The following PPEF1 variants were observed in gnomAD, a reference collection of about 807,000 sequenced individuals.
PPEF1 encodes the protein protein phosphatase with EF-hand domain 1, also known as serine/threonine-protein phosphatase with EF-hands 1.
In PPEF1, 12 loss-of-function variants were observed where a neutral mutation model predicts 53.3. The ratio of observed to expected loss-of-function variants is 0.23; its 90% CI spans 0.14 to 0.36. The LOEUF is 0.36. PPEF1 is among the 10% of genes least tolerant of loss of function. PPEF1 has a pLI of 1.00. For missense variants in PPEF1, 334 were observed against 490.4 expected (o/e 0.68, Z 3.01); for synonymous variants, 165 against 176.7 (o/e 0.93, Z 0.52).
chrX:18,777,612 C>T (rs985464992), intron 6 of PPEF1, among the ~76,000 whole-genome samples: 6 of 110,668 alleles, frequency 5.4e-5, no homozygotes, highest in African/African-American at 9.9e-5. Flanking sequence ...CTCCGGCTCC[C>T]GGACTCACTC....
chrX:18,816,057 C>T (rs762242865), intron 12 of PPEF1, among the ~76,000 whole-genome samples: 3 of 110,260 alleles, frequency 2.7e-5, no homozygotes, highest in East Asian at 5.7e-4. Flanking sequence ...TGAGCCACCA[C>T]ATCCAGCCTT....
intron 3 of PPEF1, among the ~76,000 whole-genome samples, chrX:18,737,821 C>T (rs1246805196): frequency 1.8e-5 from 2 of 111,363 alleles, no homozygotes; most frequent in South Asian, 3.8e-4. Flanking sequence ...ATTGGGTGCA[C>T]ATATATTTAG....
At position 18,789,203 on chromosome X, in the gene PPEF1, T is replaced by C. The variant is rs763914344; in HGVS notation, c.995T>C (p.Phe332Ser). The change falls in exon 10 of 16, where the codon TTT (phenylalanine) becomes TCT (serine). Residue 332 changes from phenylalanine to serine, a missense_variant. Coordinates refer to ENST00000470157, the MANE Select transcript of PPEF1 (RefSeq NM_001377996.1). Reference protein sequence around the residue: ...DSKHNKVGVTFNAHGRIKTNG... With the variant: ...DSKHNKVGVTSNAHGRIKTNG... Reference sequence around the variant, plus strand: ...AAGCACAATAAAGTAGGTGTGACTTTTAATGCACATGGAAGAATCAAAACA... The same window carrying C: ...AAGCACAATAAAGTAGGTGTGACTTCTAATGCACATGGAAGAATCAAAACA... 5.8e-6 allele frequency: 7 copies of C among 1,210,634 alleles called. No homozygotes were observed. The highest frequency in any genetic ancestry group is 7.8e-6 in the Non-Finnish European group (7 of 894,269).
chrX:18,815,982 C>A (rs193081640), intron 12 of PPEF1, among the ~76,000 whole-genome samples: 3,895 of 108,698 alleles, frequency 0.036, 68 homozygotes, highest in Middle Eastern at 0.12. Context: ...TTCACTGCAA[C>A]CTCTGCCTCC....
intron 1 of PPEF1, among the ~76,000 whole-genome samples, chrX:18,725,678 T>G (rs1484278801): frequency 9.0e-6 from 1 of 111,120 alleles, no homozygotes; most frequent in African/African-American, 3.3e-5. Flanking sequence ...GGGGTTAGAG[T>G]TGAGACCTGA....
chrX:18,689,796 G>C (rs1051420775), intron 3 of PPEF1, among the ~76,000 whole-genome samples: 6 of 111,186 alleles, frequency 5.4e-5, no homozygotes, highest in African/African-American at 2.0e-4. Context: ...GAAAATAAGA[G>C]CTTCGGCTTT....
rs938234010 is a variant in PPEF1, at chrX:18,821,119, A to T, written c.1502-2804A>T. 4.8e-5 allele frequency among the ~76,000 whole-genome samples: 5 copies of T among 105,263 alleles called. No homozygotes were observed. In the South Asian group the frequency reaches 2.4e-3, roughly 51 times the overall value. The allele number at this position is 105,263 out of a possible 115,157, so 91.4% of individuals were successfully genotyped here. Reference sequence around the variant, plus strand: ...GCGCCTGTAGTCCCAGCTACTCGGGAGGCTGAGGCAGGAGAATGGCATGAA... The same window carrying T: ...GCGCCTGTAGTCCCAGCTACTCGGGTGGCTGAGGCAGGAGAATGGCATGAA... On this transcript the variant is annotated intron_variant, in intron 13 of 15. Coordinates refer to ENST00000470157, the MANE Select transcript of PPEF1 (RefSeq NM_001377996.1).
upstream of PPEF1, among the ~76,000 whole-genome samples, chrX:18,706,035 A>T (rs2044187670): frequency 9.2e-6 from 1 of 109,277 alleles, no homozygotes; most frequent in East Asian, 2.9e-4. Flanking sequence ...TGGGAGGACA[A>T]GGTCGGAGGA....
chrX:18,702,394 G>A (rs1239451924), intron 6 of PPEF1, among the ~76,000 whole-genome samples: 2 of 107,992 alleles, frequency 1.9e-5, no homozygotes, highest in Non-Finnish European at 3.8e-5. Context: ...TCTTGCTAAA[G>A]CCAACATCTC....
chrX:18,757,215 C>A (rs2045565506), intron 4 of PPEF1, among the ~76,000 whole-genome samples: 1 of 111,471 alleles, frequency 9.0e-6, no homozygotes, highest in Non-Finnish European at 1.9e-5. Context: ...ATAGTTTTGA[C>A]CTATTAAAAT....
At chrX:18,685,709 AAAAG>A (rs1276658904) in intron 2 of PPEF1, among the ~76,000 whole-genome samples, 1 of 109,589 alleles carries the variant, frequency 9.1e-6, no homozygotes. Flanking sequence ...AAAAAGAAAA[AAAAG>A]CAGTGGGTTC....
rs187414020 is a variant in PPEF1, at chrX:18,787,454, C to T, written c.913-1667C>T. On this transcript the variant is annotated intron_variant, in intron 9 of 15. Coordinates refer to ENST00000470157, the MANE Select transcript of PPEF1 (RefSeq NM_001377996.1). ...TTCTGGTTTATTATTTGTCAAACTC[C>T]CCAGCAAGGCATTTGCAGAAAGATG... 5.4e-5 allele frequency among the ~76,000 whole-genome samples: 6 copies of T among 111,087 alleles called. No homozygotes were observed. In the East Asian group the frequency reaches 1.7e-3, roughly 32 times the overall value.
At chrX:18,721,535 G>A (rs4345696) in intron 1 of PPEF1, among the ~76,000 whole-genome samples, 2,015 of 110,938 alleles carry the variant, frequency 0.018, 45 homozygotes, top group African/African-American at 0.062. Flanking sequence ...AGAGTATTTG[G>A]TAACTGGAAA....
intron 5 of PPEF1, among the ~76,000 whole-genome samples, chrX:18,698,950 T>C (rs1234730917): frequency 8.9e-6 from 1 of 111,971 alleles, no homozygotes; most frequent in Non-Finnish European, 1.9e-5. Flanking sequence ...CTAATTCCCC[T>C]TTGGTGATTC....
At chrX:18,734,898 A>G (rs1157666326) in intron 3 of PPEF1, among the ~76,000 whole-genome samples, 4 of 111,877 alleles carry the variant, frequency 3.6e-5, no homozygotes, top group Non-Finnish European at 7.5e-5. Context: ...GCATTTTTTC[A>G]TGTGTCCGTT....
intron 10 of PPEF1, among the ~76,000 whole-genome samples, 193 bp from the exon 11 acceptor site, chrX:18,803,699 C>T (rs777220722): frequency 4.5e-5 from 5 of 112,131 alleles, no homozygotes; most frequent in African/African-American, 6.5e-5. Flanking sequence ...TCAAGCACTC[C>T]TCCCACCTCA....
At chrX:18,821,031 G>T (rs1009581688) in intron 13 of PPEF1, among the ~76,000 whole-genome samples, 32 of 108,754 alleles carry the variant, frequency 2.9e-4, no homozygotes, top group African/African-American at 1.0e-3. Context: ...AGACCATCCT[G>T]GCTAACACAG....
chrX:18,752,577 G>C (rs1399059184), intron 4 of PPEF1, among the ~76,000 whole-genome samples: 1 of 111,126 alleles, frequency 9.0e-6, no homozygotes. Context: ...GTTCCTCATC[G>C]TAGGGGGAAA....
chrX:18,751,233 G>A (rs2147468105), intron 4 of PPEF1, among the ~76,000 whole-genome samples: 1 of 111,639 alleles, frequency 9.0e-6, no homozygotes, highest in African/African-American at 3.3e-5. Context: ...TGTCTTGGTT[G>A]CTTGTGCTTT....
Sources: allele counts gnomAD v4.1 joint callset (sites outside exome capture counted in the v4.1 genomes callset), GRCh38; gene constraint gnomAD v4.1.1; transcripts MANE v1.5; gene names NCBI Gene and HGNC (gene_info 2026-07-23, HGNC 2026-07-21).